PCDH15: variants seen among roughly 807,000 people sequenced by gnomAD.
PCDH15 encodes protocadherin related 15, also known as protocadherin-15.
In PCDH15, 129 loss-of-function variants were observed where a neutral mutation model predicts 178.5. The observed-to-expected ratio is 0.72, with a 90% CI of 0.63 to 0.84. PCDH15 has a LOEUF of 0.84. PCDH15 is among the 40% of genes least tolerant of loss of function. The pLI, the probability that PCDH15 is intolerant of heterozygous loss-of-function variation, is 0.00. For missense variants in PCDH15, 2,230 were observed against 2,099.9 expected (o/e 1.06, Z -1.21); for synonymous variants, 800 against 732.0 (o/e 1.09, Z -1.50).
chr10:54,393,992 G>A (rs1950872652), intron 3 of PCDH15, among the ~76,000 whole-genome samples: 1 of 151,128 alleles, frequency 6.6e-6, no homozygotes, highest in African/African-American at 2.4e-5. Context: ...GGTGAAGGAA[G>A]GAGAGAAGGG....
intron 3 of PCDH15, among the ~76,000 whole-genome samples, chr10:54,416,156 A>T (rs1002637971): frequency 6.6e-6 from 1 of 151,882 alleles, no homozygotes; most frequent in Non-Finnish European, 1.5e-5. Context: ...TAAAATTTTT[A>T]AAATTTTTAC....
At chr10:53,846,668 C>T (rs1303816100) in intron 28 of PCDH15, among the ~76,000 whole-genome samples, 1 of 151,944 alleles carries the variant, frequency 6.6e-6, no homozygotes. Flanking sequence ...TACAGCATTA[C>T]CTTATCCAGT....
chr10:53,815,376 T>C (rs1051159656), intron 35 of PCDH15, among the ~76,000 whole-genome samples: 5 of 152,202 alleles, frequency 3.3e-5, no homozygotes, highest in African/African-American at 9.6e-5. Flanking sequence ...TTATAGAAGA[T>C]GAAATTGATG....
At chr10:54,712,278 T>C (rs1327569945) in intron 1 of PCDH15, among the ~76,000 whole-genome samples, 13 of 151,842 alleles carry the variant, frequency 8.6e-5, no homozygotes, top group Admixed American at 2.0e-4. Flanking sequence ...CTAAAAGAAA[T>C]AATCTGTTCT....
intron 2 of PCDH15, among the ~76,000 whole-genome samples, chr10:54,566,028 G>A (rs112581917): frequency 0.12 from 17,575 of 152,142 alleles, 1,092 homozygotes; most frequent in Middle Eastern, 0.15. Context: ...AGTTTGCAGC[G>A]AGCTGAGATC....
chr10:55,460,986 C>A (rs1479844859), intron 2 of PCDH15, among the ~76,000 whole-genome samples: 1 of 152,096 alleles, frequency 6.6e-6, no homozygotes, highest in East Asian at 1.9e-4. Context: ...TATTCTACCC[C>A]AAACCACCTG....
At chr10:54,092,059 G>A (rs572129307) in intron 15 of PCDH15, among the ~76,000 whole-genome samples, 4 of 151,964 alleles carry the variant, frequency 2.6e-5, no homozygotes, top group African/African-American at 4.8e-5. Flanking sequence ...CCATCTTGAC[G>A]TACCTCAAAA....
At chr10:54,971,189 C>T (rs530255701) in intron 2 of PCDH15, among the ~76,000 whole-genome samples, 1 of 152,182 alleles carries the variant, frequency 6.6e-6, no homozygotes, top group East Asian at 1.9e-4. Context: ...TGTCCCCTCC[C>T]AAATTCATGT....
At chr10:54,366,068 G>A (rs977052518) in intron 5 of PCDH15, among the ~76,000 whole-genome samples, 2 of 152,048 alleles carry the variant, frequency 1.3e-5, no homozygotes, top group Admixed American at 6.6e-5. Flanking sequence ...TAAGTAGTGA[G>A]GGGATGATTG....
intron 1 of PCDH15, among the ~76,000 whole-genome samples, chr10:54,692,632 A>G (rs923845333): frequency 5.3e-4 from 80 of 151,114 alleles, no homozygotes; most frequent in African/African-American, 1.9e-3. Flanking sequence ...CTAGAAATAT[A>G]AGTTCCATAA....
At chr10:54,290,620 G>A (rs2059338464) in intron 8 of PCDH15, among the ~76,000 whole-genome samples, 1 of 152,134 alleles carries the variant, frequency 6.6e-6, no homozygotes, top group African/African-American at 2.4e-5. Flanking sequence ...AAAGGGTCAA[G>A]ATCAATCAGT....
At chr10:55,171,407 G>C (rs1839328183) in intron 1 of PCDH15, among the ~76,000 whole-genome samples, 2 of 152,016 alleles carry the variant, frequency 1.3e-5, no homozygotes, top group Non-Finnish European at 2.9e-5. Flanking sequence ...TCATGATATA[G>C]TCCCAAAGTC....
intron 3 of PCDH15, among the ~76,000 whole-genome samples, chr10:54,853,394 T>C (rs890689779): frequency 3.5e-4 from 37 of 104,578 alleles, no homozygotes; most frequent in Non-Finnish European, 5.7e-4. Context: ...CATACATATA[T>C]ATACACACAC....
At chr10:54,493,385 A>G (rs2079794588) in intron 3 of PCDH15, among the ~76,000 whole-genome samples, 3 of 152,060 alleles carry the variant, frequency 2.0e-5, no homozygotes, top group Admixed American at 1.3e-4. Flanking sequence ...TGAAACCAGC[A>G]TTTTACATCA....
At chr10:54,738,170 T>C (rs997567164) in intron 1 of PCDH15, among the ~76,000 whole-genome samples, 1 of 152,206 alleles carries the variant, frequency 6.6e-6, no homozygotes, top group African/African-American at 2.4e-5. Context: ...CTAGGACATT[T>C]TGAGAAATTT....
chr10:54,540,188 A>G (rs1203433182), intron 2 of PCDH15, among the ~76,000 whole-genome samples: 1 of 152,150 alleles, frequency 6.6e-6, no homozygotes, highest in African/African-American at 2.4e-5. Flanking sequence ...ATAAAAATCC[A>G]TAAAAGCATC....
chr10:54,291,241 G>A (rs946787351), intron 8 of PCDH15, among the ~76,000 whole-genome samples: 1 of 152,232 alleles, frequency 6.6e-6, no homozygotes, highest in Middle Eastern at 3.4e-3. Context: ...ATAACAAAAT[G>A]AAAGCAGAAA....
chr10:55,616,446 A>G (rs1417232955), intron 2 of PCDH15, among the ~76,000 whole-genome samples: 1 of 152,098 alleles, frequency 6.6e-6, no homozygotes, highest in Non-Finnish European at 1.5e-5. Context: ...TAATAGTTAC[A>G]TCTTTCAATT....
intron 15 of PCDH15, among the ~76,000 whole-genome samples, chr10:54,098,381 A>G (rs1205499168): frequency 6.6e-6 from 1 of 152,142 alleles, no homozygotes; most frequent in East Asian, 1.9e-4. Flanking sequence ...CTTCATGAAT[A>G]TTGGACATGA....
Sources: gnomAD v4.1 joint callset for allele counts (sites outside exome capture counted in the v4.1 genomes callset) on GRCh38, gnomAD v4.1.1 for gene constraint, MANE v1.5 for transcripts, NCBI Gene and HGNC (gene_info 2026-07-23, HGNC 2026-07-21) for gene names.